ANKS1B: variants seen among roughly 807,000 people sequenced by gnomAD.
The protein encoded by ANKS1B is ankyrin repeat and sterile alpha motif domain-containing protein 1B.
A neutral mutation model predicts 148.3 loss-of-function variants in ANKS1B; 36 were observed. That is an observed-to-expected ratio of 0.24 (90% CI 0.19 to 0.32). The LOEUF (loss-of-function observed/expected upper bound fraction) is 0.32, where lower values mean the gene tolerates loss of function less well. ANKS1B is among the 10% of genes least tolerant of loss of function. The probability of loss-of-function intolerance (pLI) is 1.00; values close to 1 mark genes in which losing one functional copy is unlikely to be tolerated. For missense variants in ANKS1B, 1,157 were observed against 1,542.6 expected, an observed-to-expected ratio of 0.75 and a Z score of 4.19; for synonymous variants, 542 against 560.8, an observed-to-expected ratio of 0.97 and a Z score of 0.47.
intron 9 of ANKS1B, among the ~76,000 whole-genome samples, chr12:99,537,536 G>T (rs73147374): frequency 2.6e-5 from 4 of 151,968 alleles, no homozygotes; most frequent in African/African-American, 9.7e-5. Context: ...CTTTTCATAC[G>T]CCTGTTTTCC....
chr12:98,821,746 T>G (rs1404986088), intron 19 of ANKS1B, among the ~76,000 whole-genome samples: 1 of 152,072 alleles, frequency 6.6e-6, no homozygotes, highest in Admixed American at 6.5e-5. Context: ...TAGCTGGGAT[T>G]ACAGACATCT....
intron 12 of ANKS1B, among the ~76,000 whole-genome samples, chr12:99,275,439 A>T (rs1239530522): frequency 1.3e-5 from 2 of 152,220 alleles, no homozygotes; most frequent in Non-Finnish European, 2.9e-5. Context: ...GAGAACATGC[A>T]AAGTTTGTCT....
chr12:99,607,309 C>T (rs1319426267), intron 9 of ANKS1B, among the ~76,000 whole-genome samples: 2 of 151,892 alleles, frequency 1.3e-5, no homozygotes, highest in African/African-American at 4.8e-5. Flanking sequence ...CTTTGACCTA[C>T]CAATAAGTCA....
chr12:99,395,006 C>G (rs1317395364), intron 12 of ANKS1B, among the ~76,000 whole-genome samples: 1 of 152,064 alleles, frequency 6.6e-6, no homozygotes. Flanking sequence ...TGGAGTCATC[C>G]TTAATTCTTC....
intron 15 of ANKS1B, among the ~76,000 whole-genome samples, chr12:99,140,123 A>G (rs2070101238): frequency 1.3e-5 from 2 of 152,200 alleles, no homozygotes; most frequent in African/African-American, 4.8e-5. Context: ...ACATTTTATA[A>G]TAAGTGGGTG....
At chr12:99,522,209 C>G (rs569823876) in intron 9 of ANKS1B, among the ~76,000 whole-genome samples, 1 of 152,142 alleles carries the variant, frequency 6.6e-6, no homozygotes, top group Non-Finnish European at 1.5e-5. Flanking sequence ...GGACTGTGTT[C>G]TCTGCCTTGG....
At chr12:99,349,431 G>A (rs1315046540) in intron 12 of ANKS1B, among the ~76,000 whole-genome samples, 1 of 151,866 alleles carries the variant, frequency 6.6e-6, no homozygotes, top group Admixed American at 6.6e-5. Context: ...CTGTCTACAT[G>A]AGACTCATTT....
At chr12:99,348,869 A>G (rs2091071689) in intron 12 of ANKS1B, among the ~76,000 whole-genome samples, 1 of 151,994 alleles carries the variant, frequency 6.6e-6, no homozygotes, top group Admixed American at 6.6e-5. Flanking sequence ...ATCACCAGTA[A>G]AGGTAACTAC....
intron 9 of ANKS1B, among the ~76,000 whole-genome samples, chr12:99,612,223 A>C (rs1449377013): frequency 6.6e-6 from 1 of 152,140 alleles, no homozygotes; most frequent in Non-Finnish European, 1.5e-5. Context: ...ATTAATGGTC[A>C]TCTGAAAGAA....
At chr12:99,847,994 G>A (rs2086982731) in intron 1 of ANKS1B, among the ~76,000 whole-genome samples, 1 of 152,074 alleles carries the variant, frequency 6.6e-6, no homozygotes, top group South Asian at 2.1e-4. Context: ...TTTCTAGAAT[G>A]TATGGAACAT....
chr12:98,864,039 T>G (rs571424556), intron 17 of ANKS1B, among the ~76,000 whole-genome samples: 5 of 152,296 alleles, frequency 3.3e-5, no homozygotes, highest in Admixed American at 3.3e-4. Context: ...CCGTAAGAGC[T>G]GGCGTTCTCT....
intron 17 of ANKS1B, among the ~76,000 whole-genome samples, chr12:98,945,398 G>A (rs2099843508): frequency 6.6e-6 from 1 of 151,478 alleles, no homozygotes; most frequent in Non-Finnish European, 1.5e-5. Flanking sequence ...GGGAGGCTGA[G>A]GTAGAAGGAT....
chr12:99,872,046 G>C (rs539317937), intron 1 of ANKS1B, among the ~76,000 whole-genome samples: 1 of 152,240 alleles, frequency 6.6e-6, no homozygotes, highest in East Asian at 1.9e-4. Flanking sequence ...ACATTAGAAA[G>C]TAATAAGGCA....
At chr12:99,177,301 G>A (rs1392115959) in intron 14 of ANKS1B, among the ~76,000 whole-genome samples, 1 of 152,158 alleles carries the variant, frequency 6.6e-6, no homozygotes, top group Non-Finnish European at 1.5e-5. Flanking sequence ...TAATCACATA[G>A]CTCAATGAAT....
At chr12:99,668,036 C>T (rs1002519727) in intron 8 of ANKS1B, among the ~76,000 whole-genome samples, 1 of 152,096 alleles carries the variant, frequency 6.6e-6, no homozygotes, top group African/African-American at 2.4e-5. Context: ...CACAGTAATG[C>T]TGACTTCATA....
chr12:99,411,951 T>C (rs891778725), intron 11 of ANKS1B, among the ~76,000 whole-genome samples: 2 of 152,244 alleles, frequency 1.3e-5, no homozygotes, highest in African/African-American at 4.8e-5. Context: ...ATCAGCTGTG[T>C]GGTCAGGCGC....
chr12:99,368,130 A>G (rs2092885214), intron 12 of ANKS1B, among the ~76,000 whole-genome samples: 1 of 152,202 alleles, frequency 6.6e-6, no homozygotes, highest in Non-Finnish European at 1.5e-5. Flanking sequence ...AAGCACAAAA[A>G]GTGATTCAAA....
intron 14 of ANKS1B, among the ~76,000 whole-genome samples, chr12:99,222,882 G>A (rs2085338095): frequency 6.6e-6 from 1 of 152,012 alleles, no homozygotes; most frequent in African/African-American, 2.4e-5. Context: ...CTTGGGACTT[G>A]GAAAAATTCT....
rs192577407 is a variant in ANKS1B at position 99,162,897 on chromosome 12, C to A, written c.2420-8502G>T. On this transcript the variant is annotated intron_variant, in intron 14 of 26. Coordinates refer to ENST00000683438, the MANE Select transcript of ANKS1B (RefSeq NM_001352186.2). ...ATATGGTAAAACCTCGTCTCTACTA[C>A]AAATACAAAAATTAGCCGGACATGG... 1.4e-3 allele frequency among the ~76,000 whole-genome samples: 213 copies of A among 151,944 alleles called. 2 individuals are homozygous for A. The highest frequency in any genetic ancestry group is 5.0e-3 in the African/African-American group (207 of 41,474).
Sources: gnomAD v4.1 joint callset for allele counts (sites outside exome capture counted in the v4.1 genomes callset) on GRCh38, gnomAD v4.1.1 for gene constraint, MANE v1.5 for transcripts, NCBI Gene and HGNC (gene_info 2026-07-23, HGNC 2026-07-21) for gene names.